Variants in VGLL4 observed in about 807,000 individuals in gnomAD.
VGLL4 encodes the protein transcription cofactor vestigial-like protein 4.
VGLL4 carries 7 observed loss-of-function variants against 21.0 expected under a neutral mutation model. That is an observed-to-expected ratio of 0.33 (90% confidence interval 0.19 to 0.63). The LOEUF (loss-of-function observed/expected upper bound fraction) is 0.63. Among genes scored for constraint, VGLL4 ranks in the 20% least tolerant of loss-of-function variants. VGLL4 has a pLI of 0.78. For synonymous variants in VGLL4, 222 were observed against 173.2 expected, an observed-to-expected ratio of 1.28 and a Z score of -2.21; for missense variants, 394 against 425.7, an observed-to-expected ratio of 0.93 and a Z score of 0.66.
chr3:11,661,721 C>T (rs1575506228), intron 2 of VGLL4, among the ~76,000 whole-genome samples: 1 of 152,178 alleles, frequency 6.6e-6, no homozygotes, highest in African/African-American at 2.4e-5. Context: ...ATCTGCCCGC[C>T]TCGGCTTCCC....
At chr3:11,675,752 A>G (rs1357807874) in intron 2 of VGLL4, among the ~76,000 whole-genome samples, 2 of 152,230 alleles carry the variant, frequency 1.3e-5, no homozygotes, top group Non-Finnish European at 2.9e-5. Flanking sequence ...CATTTAGTTA[A>G]TAATTTTCAA....
chr3:11,718,127 C>A (rs2076943247), intron 1 of VGLL4, among the ~76,000 whole-genome samples: 1 of 152,184 alleles, frequency 6.6e-6, no homozygotes, highest in South Asian at 2.1e-4. Flanking sequence ...CAAAGGCAGG[C>A]TGCCCAGAAG....
At chr3:11,661,248 C>T (rs1253494091) in intron 2 of VGLL4, among the ~76,000 whole-genome samples, 12 of 151,974 alleles carry the variant, frequency 7.9e-5, no homozygotes, top group Admixed American at 6.5e-4. Context: ...AGGCTGGTAA[C>T]GCAGAAAGAA....
Position 11,643,568 on chromosome 3 carries a change from T to TTAA in VGLL4, c.-53_-51dup. ...GCTCTTTGCTTTTGCCCCAAAAGAG[T>TTAA]TAAGTTTCAAAAATCAATTGTTGCT... On this transcript the variant is annotated 5_prime_UTR_variant, in exon 1 of 5. Coordinates refer to ENST00000430365, the MANE Select transcript of VGLL4 (RefSeq NM_001128219.3). 6.2e-7 allele frequency: 1 copy of TTAA among 1,612,202 alleles called. No individual in the cohort carries two copies. Among genetic ancestry groups the TTAA allele is most frequent in the Non-Finnish European group, 8.5e-7 (1 of 1,179,374 alleles).
At chr3:11,601,515 C>G (rs1312050674) in intron 2 of VGLL4, among the ~76,000 whole-genome samples, 1 of 151,408 alleles carries the variant, frequency 6.6e-6, no homozygotes, top group Non-Finnish European at 1.5e-5. Flanking sequence ...TATGTATGGG[C>G]AAAAAAAAGC....
chr3:11,663,954 T>A (rs948927163), intron 2 of VGLL4, among the ~76,000 whole-genome samples: 1 of 151,968 alleles, frequency 6.6e-6, no homozygotes, highest in Non-Finnish European at 1.5e-5. Flanking sequence ...TACAATGTAA[T>A]GTAAAAAGAA....
intron 1 of VGLL4, among the ~76,000 whole-genome samples, chr3:11,716,329 A>T (rs1037180821): frequency 1.6e-4 from 24 of 151,934 alleles, no homozygotes; most frequent in Admixed American, 8.5e-4. Context: ...AAGCACAAAA[A>T]TATATAAAAA....
intron 1 of VGLL4, among the ~76,000 whole-genome samples, chr3:11,708,641 T>C (rs948990333): frequency 6.6e-6 from 1 of 152,268 alleles, no homozygotes; most frequent in African/African-American, 2.4e-5. Context: ...ATTTCCTTTA[T>C]GAGCCACAAA....
intron 1 of VGLL4, among the ~76,000 whole-genome samples, chr3:11,717,743 G>A (rs1480762636): frequency 6.6e-6 from 1 of 152,132 alleles, no homozygotes; most frequent in Non-Finnish European, 1.5e-5. Flanking sequence ...GGGGATAGCA[G>A]TAACAACTGT....
Position 11,558,480 on chromosome 3 carries a change from T to C in VGLL4, c.*76A>G. ...CCCCCCACCCCACCCCCATGATTTTTTTTTTTTTAAGTACTGACTGTTCAA... is the reference window on the plus strand; with the variant it reads ...CCCCCCACCCCACCCCCATGATTTTCTTTTTTTTAAGTACTGACTGTTCAA... On this transcript the variant is annotated 3_prime_UTR_variant, in exon 5 of 5. Transcript: ENST00000430365. 6.7e-7 allele frequency: 1 copy of C among 1,488,218 alleles called. No homozygotes were observed. The allele number at this position is 1,488,218 out of a possible 1,614,324, so 92.2% of individuals were successfully genotyped here.
At chr3:11,631,328 C>T (rs1376141429) in intron 1 of VGLL4, among the ~76,000 whole-genome samples, 1 of 152,108 alleles carries the variant, frequency 6.6e-6, no homozygotes, top group Admixed American at 6.5e-5. Flanking sequence ...ATAATGGAGG[C>T]CAAAGTTTAG....
intron 1 of VGLL4, among the ~76,000 whole-genome samples, chr3:11,710,775 T>A (rs955887487): frequency 9.9e-5 from 15 of 152,178 alleles, no homozygotes; most frequent in Non-Finnish European, 1.9e-4. Flanking sequence ...TATCACACCA[T>A]GGCATGGGGT....
rs1264933579 is a variant in VGLL4 at position 11,565,182 on chromosome 3, C to T, written c.273-163G>A. 1.3e-5 allele frequency among the ~76,000 whole-genome samples: 2 copies of T among 152,166 alleles called. No individual in the cohort carries two copies. The highest frequency in any genetic ancestry group is 2.9e-5 in the Non-Finnish European group (2 of 68,028). On this transcript the variant is annotated intron_variant, in intron 2 of 4. Coordinates refer to ENST00000430365, the MANE Select transcript of VGLL4 (RefSeq NM_001128219.3). This position sits in a 1 kb window ranked among gnomAD's most constrained non-coding sequence, Gnocchi z 4.1. ...GAGCCGGTTGCCAGCCCGGGTCAGC[C>T]GGACACCAAAGCCTCTGGGTGCCGG...
chr3:11,620,383 G>A (rs1212369052), intron 1 of VGLL4, among the ~76,000 whole-genome samples: 2 of 152,156 alleles, frequency 1.3e-5, no homozygotes, highest in African/African-American at 4.8e-5. Context: ...CAGCCTGAGG[G>A]GGCAACAGCA....
upstream of VGLL4, among the ~76,000 whole-genome samples, chr3:11,645,458 C>T (rs1184602353): frequency 3.5e-5 from 5 of 141,924 alleles, no homozygotes; most frequent in Non-Finnish European, 7.7e-5. Context: ...GGCGCGGTGG[C>T]GGGCGCCTGT....
upstream of VGLL4, among the ~76,000 whole-genome samples, chr3:11,648,123 C>T (rs965688204): frequency 7.9e-5 from 12 of 152,106 alleles, no homozygotes; most frequent in Admixed American, 1.3e-4. Context: ...TCCACACACA[C>T]AAATGAGATG....
chr3:11,695,265 G>T (rs1160301297), intron 2 of VGLL4, among the ~76,000 whole-genome samples: 1 of 151,840 alleles, frequency 6.6e-6, no homozygotes, highest in African/African-American at 2.4e-5. Context: ...GGCCAGGCTG[G>T]TCTCAAACTC....
intron 1 of VGLL4, chr3:11,607,377 G>C (rs1332746653): frequency 6.6e-6 from 1 of 152,198 alleles, no homozygotes; most frequent in Admixed American, 6.5e-5. Context: ...TGTCAGAAGA[G>C]GGAGGCTCAC....
At chr3:11,630,514 C>T (rs919617909) in intron 1 of VGLL4, among the ~76,000 whole-genome samples, 3 of 152,010 alleles carry the variant, frequency 2.0e-5, no homozygotes, top group Admixed American at 6.5e-5. Flanking sequence ...GGCGTGGTGG[C>T]GGGCGCCTGT....
Sources: allele counts gnomAD v4.1 joint callset (sites outside exome capture counted in the v4.1 genomes callset), GRCh38; gene constraint gnomAD v4.1.1; non-coding constraint Gnocchi (gnomAD v3.1); transcripts MANE v1.5; gene names NCBI Gene and HGNC (gene_info 2026-07-23, HGNC 2026-07-21).